Variants in ARHGAP22 observed in about 807,000 individuals in gnomAD.
The protein encoded by ARHGAP22 is Rho GTPase activating protein 22, also known as rho GTPase-activating protein 22.
In ARHGAP22, 48 loss-of-function variants were observed where a neutral mutation model predicts 59.1. The ratio of observed to expected loss-of-function variants is 0.81; its 90% CI spans 0.64 to 1.03. ARHGAP22 has a LOEUF of 1.03. Ranked by LOEUF, ARHGAP22 falls within the 50% of genes least tolerant of loss-of-function variation. The pLI is 0.00. For synonymous variants in ARHGAP22, 445 were observed against 416.4 expected (o/e 1.07, Z -0.84); for missense variants, 1,015 against 958.7 (o/e 1.06, Z -0.78).
intron 3 of ARHGAP22, among the ~76,000 whole-genome samples, chr10:48,483,651 C>T (rs1242120351): frequency 6.6e-6 from 1 of 151,930 alleles, no homozygotes; most frequent in Non-Finnish European, 1.5e-5. Context: ...CATTTCTCTG[C>T]ATTTTTTTCA....
At chr10:48,501,769 G>GT (rs1286872908) in intron 3 of ARHGAP22, among the ~76,000 whole-genome samples, 5 of 151,888 alleles carry the variant, frequency 3.3e-5, no homozygotes, top group Non-Finnish European at 7.4e-5. Context: ...TGGTGAAACT[G>GT]TGTGAAGTGA....
chr10:48,569,138 G>C (rs1480730485), intron 2 of ARHGAP22, among the ~76,000 whole-genome samples: 2 of 152,220 alleles, frequency 1.3e-5, no homozygotes, highest in Non-Finnish European at 2.9e-5. Flanking sequence ...GCTATGCTCT[G>C]GGGTATATGG....
chr10:48,543,271 A>G (rs2056133252), intron 3 of ARHGAP22, among the ~76,000 whole-genome samples: 1 of 152,224 alleles, frequency 6.6e-6, no homozygotes, highest in Non-Finnish European at 1.5e-5. Context: ...AGCTGCAGGG[A>G]AGCGGGGTGG....
chr10:48,451,041 CCCCCGCGCG>C lies in ARHGAP22; in HGVS notation c.1079_1087del (p.Pro360_Gly363delinsArg). 1 of 1,552,820 alleles carries C rather than the reference CCCCCGCGCG, an allele frequency of 6.4e-7. No homozygotes were observed. On this transcript the variant is annotated inframe_deletion, in exon 9 of 10. Transcript: ENST00000249601. ...GCCCCACCCCACTGCGCATTGCAGG[CCCCCGCGCG>C]GGGAGGTGGGCCCTTCCGGGACCGG...
intron 3 of ARHGAP22, among the ~76,000 whole-genome samples, chr10:48,516,841 GA>G (rs2053336929): frequency 1.3e-5 from 2 of 151,980 alleles, no homozygotes; most frequent in South Asian, 4.1e-4. Context: ...AAATCCTCAA[GA>G]AAAACTAGCA....
intron 2 of ARHGAP22, among the ~76,000 whole-genome samples, chr10:48,568,814 C>T (rs570011510): frequency 1.3e-5 from 2 of 152,338 alleles, no homozygotes; most frequent in South Asian, 4.1e-4. Context: ...TCTCCACTGC[C>T]TGGGTTGGCA....
chr10:48,510,811 A>G (rs918811660), intron 3 of ARHGAP22: 2 of 152,272 alleles, frequency 1.3e-5, no homozygotes, highest in African/African-American at 4.8e-5. Flanking sequence ...GCCCGCTGAC[A>G]TGCTGTGTGG....
intron 4 of ARHGAP22, among the ~76,000 whole-genome samples, chr10:48,477,727 T>C (rs527613376): frequency 1.3e-5 from 2 of 152,368 alleles, no homozygotes; most frequent in East Asian, 3.9e-4. Flanking sequence ...CCCTGATTAC[T>C]GATGAGGTTG....
At chr10:48,581,560 A>G (rs926078017) in intron 2 of ARHGAP22, among the ~76,000 whole-genome samples, 2 of 152,120 alleles carry the variant, frequency 1.3e-5, no homozygotes, top group Non-Finnish European at 2.9e-5. Flanking sequence ...ATCCACCTTC[A>G]TGATTTTTGT....
At chr10:48,432,064 C>G in the ARHGAP22 span, among the ~76,000 whole-genome samples, 1 of 152,126 alleles carries the variant, frequency 6.6e-6, no homozygotes, top group Admixed American at 6.5e-5. Context: ...TTTTTTCAGC[C>G]TCCCATTTTG....
At chr10:48,441,155 T>C (rs984520077), downstream of ARHGAP22, among the ~76,000 whole-genome samples, 4 of 152,208 alleles carry the variant, frequency 2.6e-5, no homozygotes, top group Admixed American at 6.5e-5. Context: ...ACCTCTCTAA[T>C]TGTAGTTTCT....
chr10:48,631,875 C>T (rs2061640492), intron 1 of ARHGAP22, among the ~76,000 whole-genome samples: 1 of 152,130 alleles, frequency 6.6e-6, no homozygotes, highest in Non-Finnish European at 1.5e-5. Flanking sequence ...TTTTCTTTCT[C>T]TCTTTTAACA....
At chr10:48,636,288 T>C (rs968256165) in intron 1 of ARHGAP22, among the ~76,000 whole-genome samples, 2 of 152,226 alleles carry the variant, frequency 1.3e-5, no homozygotes. Flanking sequence ...ATTCAGGGTG[T>C]CTGGGTCTTT....
At chr10:48,609,193 A>G (rs2060787707), upstream of ARHGAP22, among the ~76,000 whole-genome samples, 2 of 152,216 alleles carry the variant, frequency 1.3e-5, no homozygotes, top group Non-Finnish European at 2.9e-5. Flanking sequence ...TGTCTGCCCC[A>G]GTCACTGTAG....
intron 3 of ARHGAP22, among the ~76,000 whole-genome samples, chr10:48,509,232 C>T (rs923229840): frequency 4.6e-5 from 7 of 152,156 alleles, no homozygotes; most frequent in African/African-American, 9.7e-5. Context: ...GCGAGCCTGG[C>T]GCAGGATGTG....
intron 2 of ARHGAP22, among the ~76,000 whole-genome samples, chr10:48,567,869 C>T (rs897530941): frequency 1.3e-5 from 2 of 152,032 alleles, no homozygotes; most frequent in African/African-American, 4.8e-5. Flanking sequence ...ATCTCAAGGA[C>T]ATTTAACATT....
chr10:48,496,260 A>G (rs1054187916), intron 3 of ARHGAP22, among the ~76,000 whole-genome samples: 1 of 152,150 alleles, frequency 6.6e-6, no homozygotes, highest in Non-Finnish European at 1.5e-5. Flanking sequence ...AGGCCTGGAC[A>G]GTGGGGCTCT....
intron 1 of ARHGAP22, among the ~76,000 whole-genome samples, chr10:48,620,767 G>C (rs2061257698): frequency 6.6e-6 from 1 of 152,168 alleles, no homozygotes; most frequent in Admixed American, 6.5e-5. Context: ...AGAGTAGGGA[G>C]CCACCCCTCT....
chr10:48,579,334 T>G (rs980983215), intron 2 of ARHGAP22, among the ~76,000 whole-genome samples: 19 of 150,094 alleles, frequency 1.3e-4, no homozygotes, highest in African/African-American at 4.4e-4. Flanking sequence ...GTGGCAGGAG[T>G]TTTCATGACT....
Sources: allele counts gnomAD v4.1 joint callset (sites outside exome capture counted in the v4.1 genomes callset), GRCh38; gene constraint gnomAD v4.1.1; transcripts MANE v1.5; gene names NCBI Gene and HGNC (gene_info 2026-07-23, HGNC 2026-07-21).